The following MAN1C1 variants were observed in gnomAD, a reference collection of about 807,000 sequenced individuals.
MAN1C1 encodes the protein mannosyl-oligosaccharide 1,2-alpha-mannosidase IC.
Under a neutral mutation model 71.5 loss-of-function variants are expected in MAN1C1, and 49 were observed. The observed-to-expected ratio is 0.69, with a 90% CI of 0.54 to 0.87. MAN1C1 has a LOEUF of 0.87. Ranked by LOEUF, MAN1C1 falls within the 40% of genes least tolerant of loss-of-function variation. MAN1C1 has a pLI of 0.00. For missense variants in MAN1C1, 743 were observed against 835.0 expected (o/e 0.89, Z 1.36); for synonymous variants, 352 against 343.7 (o/e 1.02, Z -0.27).
At chr1:25,758,531 G>A in intron 5 of MAN1C1, 61 bp from the exon 6 acceptor site, 1 of 1,453,932 alleles carries the variant, frequency 6.9e-7, no homozygotes, top group Non-Finnish European at 9.6e-7. Context: ...TGCTGTTACT[G>A]TCAGCAGAGG....
chr1:25,759,919 C>T (rs1436004880), intron 6 of MAN1C1: 1 of 152,184 alleles, frequency 6.6e-6, no homozygotes, highest in Non-Finnish European at 1.5e-5. Context: ...GTTTTCCTTA[C>T]ATTGAGAGGG....
intron 2 of MAN1C1, among the ~76,000 whole-genome samples, chr1:25,722,769 C>T (rs2046783401): frequency 6.6e-6 from 1 of 152,110 alleles, no homozygotes; most frequent in African/African-American, 2.4e-5. Flanking sequence ...TTGGCTGTGT[C>T]TTCAAGTTAA....
At chr1:25,741,192 G>C (rs911319997) in intron 2 of MAN1C1, among the ~76,000 whole-genome samples, 1 of 152,078 alleles carries the variant, frequency 6.6e-6, no homozygotes, top group African/African-American at 2.4e-5. Context: ...ATGTTGGCCA[G>C]GCTGGTCTCA....
At chr1:25,698,312 T>A (rs1242944095) in intron 2 of MAN1C1, among the ~76,000 whole-genome samples, 1 of 152,214 alleles carries the variant, frequency 6.6e-6, no homozygotes, top group East Asian at 1.9e-4. Context: ...CTTCAAACCC[T>A]GGCCCCACCA....
intron 6 of MAN1C1, chr1:25,763,569 G>T: frequency 3.2e-6 from 1 of 309,848 alleles, no homozygotes; most frequent in East Asian, 7.2e-5. Context: ...GAAGTGTTGA[G>T]AGTTGGGTGG....
intron 10 of MAN1C1, chr1:25,781,399 A>G (rs1386775297): frequency 8.6e-6 from 3 of 347,868 alleles, no homozygotes; most frequent in Admixed American, 8.8e-5. Flanking sequence ...GTCAGAGGCT[A>G]GGCAGCTGCC....
At position 25,658,872 on chromosome 1, in the gene MAN1C1, TAC is replaced by T. The variant is rs963700248; in HGVS notation, c.541-27556_541-27555del. The T allele has an allele frequency of 4.6e-5, 7 of 152,484 alleles. No individual in the cohort carries two copies. The East Asian group carries it at 5.8e-4, about 13-fold the overall frequency. 9.4% of individuals were successfully genotyped at this position (152,484 alleles called of 1,614,324 possible). A position where few individuals can be genotyped will look rare whatever the true frequency, so the allele number is the denominator to read the frequency against. ...CAGCCCGTGCAGTTCCATCAAACTT[TAC>T]ACACACACACAATCTGAGCGGGGTT... On this transcript the variant is annotated intron_variant, in intron 1 of 11. Transcript: ENST00000374332.
rs1357900378 is a variant in MAN1C1 at position 25,769,114 on chromosome 1, C to T, written c.1142-2543C>T. On this transcript the variant is annotated intron_variant, in intron 7 of 11. Coordinates refer to ENST00000374332, the MANE Select transcript of MAN1C1 (RefSeq NM_020379.4). The surrounding 1 kb of genome is among the most constrained non-coding windows in gnomAD (Gnocchi z 4.8). ...TCACCCACACTCCCTCCCACACACA[C>T]ACCACACACTCCCTTCACACACTAC... 6.8e-6 allele frequency among the ~76,000 whole-genome samples: 1 copy of T among 147,978 alleles called. No homozygotes were observed. Among genetic ancestry groups the T allele is most frequent in the East Asian group, 2.0e-4 (1 of 4,892 alleles).
At chr1:25,703,044 G>C (rs141692090) in intron 2 of MAN1C1, among the ~76,000 whole-genome samples, 66 of 152,338 alleles carry the variant, frequency 4.3e-4, no homozygotes, top group African/African-American at 1.4e-3. Context: ...CAGAAATTCT[G>C]GTTCATTGGG....
At chr1:25,676,621 A>AAAT (rs974704051) in intron 1 of MAN1C1, among the ~76,000 whole-genome samples, 2 of 152,206 alleles carry the variant, frequency 1.3e-5, no homozygotes, top group Non-Finnish European at 2.9e-5. Context: ...GTTAGAGACC[A>AAAT]AATCCCTTCC....
At chr1:25,629,385 C>T (rs1459887494) in intron 1 of MAN1C1, among the ~76,000 whole-genome samples, 1 of 152,010 alleles carries the variant, frequency 6.6e-6, no homozygotes, top group Non-Finnish European at 1.5e-5. Flanking sequence ...TGTTTCTTGG[C>T]CATTTGTGTA....
At chr1:25,708,626 T>G (rs1386240412) in intron 2 of MAN1C1, among the ~76,000 whole-genome samples, 1 of 152,220 alleles carries the variant, frequency 6.6e-6, no homozygotes, top group Non-Finnish European at 1.5e-5. Flanking sequence ...GGCTCATGCC[T>G]GTAATCCCAG....
Position 25,753,330 on chromosome 1 carries a change from C to G in MAN1C1, c.835-154C>G, listed in dbSNP as rs1378151055. Among the ~76,000 whole-genome samples the G allele has an allele frequency of 1.3e-5, 2 of 152,226 alleles. No homozygotes were observed. ...AAGTACCTTGCCAAAGTCCACGTGG[C>G]CAGCAGTTGGAAGAACCGGGCTGGT... On this transcript the variant is annotated intron_variant, in intron 4 of 11. Transcript: ENST00000374332. This position sits in a 1 kb window ranked among gnomAD's most constrained non-coding sequence, Gnocchi z 4.9.
chr1:25,674,747 A>G (rs1429136411), intron 1 of MAN1C1, among the ~76,000 whole-genome samples: 4 of 139,394 alleles, frequency 2.9e-5, no homozygotes, highest in African/African-American at 1.1e-4. Context: ...GGATAAGCTG[A>G]CTGAAGGCGT....
intron 2 of MAN1C1, among the ~76,000 whole-genome samples, chr1:25,712,303 C>A (rs2046624159): frequency 1.3e-5 from 2 of 152,202 alleles, no homozygotes; most frequent in Non-Finnish European, 2.9e-5. Context: ...ACTAACGTGC[C>A]CGTTAGGCAC....
At chr1:25,740,702 C>T (rs1450660363) in intron 2 of MAN1C1, among the ~76,000 whole-genome samples, 2 of 152,148 alleles carry the variant, frequency 1.3e-5, no homozygotes, top group Non-Finnish European at 2.9e-5. Flanking sequence ...TCCCAAAGTG[C>T]TGGGATTACA....
At chr1:25,757,135 G>C (rs1215562746) in intron 5 of MAN1C1, among the ~76,000 whole-genome samples, 1 of 152,178 alleles carries the variant, frequency 6.6e-6, no homozygotes, top group African/African-American at 2.4e-5. Flanking sequence ...GAGAACAGCA[G>C]TATCAGGGGA....
At position 25,674,522 on chromosome 1, in the gene MAN1C1, A is replaced by T. The variant is rs758570896; in HGVS notation, c.541-11918A>T. 5.0e-4 allele frequency among the ~76,000 whole-genome samples: 76 copies of T among 152,308 alleles called. 1 individual carries two copies. The highest frequency in any genetic ancestry group is 3.5e-4 in the Non-Finnish European group (24 of 68,024). On this transcript the variant is annotated intron_variant, in intron 1 of 11. Coordinates refer to ENST00000374332, the MANE Select transcript of MAN1C1 (RefSeq NM_020379.4). ...AAAATTTTGACTTTAATAATCCTCC[A>T]TAATAGGGTGATTCAACCTGAAGGG...
rs940697548 is a variant in MAN1C1 at position 25,776,194 on chromosome 1, G to T, written c.1258-1911G>T. Among the ~76,000 whole-genome samples the T allele has an allele frequency of 2.7e-5, 4 of 148,736 alleles. No individual in the cohort carries two copies. The highest frequency in any genetic ancestry group is 7.4e-5 in the African/African-American group (3 of 40,630). ...GAGCCACTGCGTCCAGCCCCTCCCC[G>T]CATACCCCTGCATTTTTTAATCTCA... is the stretch of plus-strand genomic sequence containing the variant. On this transcript the variant is annotated intron_variant, in intron 8 of 11. Coordinates refer to ENST00000374332, the MANE Select transcript of MAN1C1 (RefSeq NM_020379.4). The surrounding 1 kb of genome is among the most constrained non-coding windows in gnomAD (Gnocchi z 4.3).
Sources: gnomAD v4.1 joint callset for allele counts (sites outside exome capture counted in the v4.1 genomes callset) on GRCh38, gnomAD v4.1.1 for gene constraint, Gnocchi (gnomAD v3.1) non-coding constraint, MANE v1.5 for transcripts, NCBI Gene and HGNC (gene_info 2026-07-23, HGNC 2026-07-21) for gene names.